MARCHF5: variants seen among roughly 807,000 people sequenced by gnomAD.
The protein encoded by MARCHF5 is membrane associated ring-CH-type finger 5, also known as E3 ubiquitin-protein ligase MARCHF5.
A neutral mutation model predicts 36.5 loss-of-function variants in MARCHF5; 5 were observed. The ratio of observed to expected loss-of-function variants is 0.14; its 90% CI spans 0.07 to 0.29. The LOEUF (loss-of-function observed/expected upper bound fraction) is 0.29, where lower values mean the gene tolerates loss of function less well. Ranked by LOEUF, MARCHF5 falls within the 10% of genes least tolerant of loss-of-function variation. The pLI, the probability that MARCHF5 is intolerant of heterozygous loss-of-function variation, is 1.00. For missense variants in MARCHF5, 179 were observed against 336.3 expected (o/e 0.53, Z 3.66); for synonymous variants, 103 against 109.9 (o/e 0.94, Z 0.39).
chr10:92,333,918 A>G (rs981445277), intron 2 of MARCHF5, among the ~76,000 whole-genome samples: 3 of 152,088 alleles, frequency 2.0e-5, no homozygotes, highest in African/African-American at 7.2e-5. Flanking sequence ...GGCCGGGTGC[A>G]GTGCCTCACG....
At chr10:92,299,340 G>A (rs886856225) in intron 1 of MARCHF5, among the ~76,000 whole-genome samples, 7 of 130,742 alleles carry the variant, frequency 5.4e-5, no homozygotes, top group East Asian at 2.6e-4. Context: ...AACTTTCAAC[G>A]GGGTAACGTG....
In MARCHF5 at chr10:92,352,173, AAGAC is replaced by A. The variant is rs564113546; in HGVS notation, c.*971_*974del. The A allele has an allele frequency of 3.1e-3, 476 of 152,770 alleles. 2 individuals carry two copies. Among genetic ancestry groups the A allele is most frequent in the Non-Finnish European group, 5.3e-3 (362 of 68,038 alleles). The allele number at this position is 152,770 out of a possible 1,614,324, so 9.5% of individuals were successfully genotyped here. On this transcript the variant is annotated 3_prime_UTR_variant, in exon 6 of 6. Coordinates refer to ENST00000358935, the MANE Select transcript of MARCHF5 (RefSeq NM_017824.5). ...AGTGCTGTAGGACATAGTGGTGAACAAGACAGACTTGGTCCAAGCTCTTACAGAG... is the reference window on the plus strand; with the variant it reads ...AGTGCTGTAGGACATAGTGGTGAACAAGACTTGGTCCAAGCTCTTACAGAG...
At chr10:92,330,103 A>G (rs1843418633) in intron 2 of MARCHF5, among the ~76,000 whole-genome samples, 1 of 152,168 alleles carries the variant, frequency 6.6e-6, no homozygotes, top group Non-Finnish European at 1.5e-5. Context: ...TTGGCCTCCA[A>G]AAGTGCTGGG....
chr10:92,325,019 GTTATC>G (rs1460803888), intron 2 of MARCHF5, among the ~76,000 whole-genome samples: 1 of 151,948 alleles, frequency 6.6e-6, no homozygotes, highest in Non-Finnish European at 1.5e-5. Context: ...CCATTTCCTT[GTTATC>G]TTTTACCTGT....
rs749226809 is a variant in MARCHF5 at position 92,291,435 on chromosome 10, C to T, written c.-60C>T. On this transcript the variant is annotated 5_prime_UTR_variant, in exon 1 of 6. Transcript: ENST00000358935. ...TCCGCCGCCTCTCAGTGCTATTGTC[C>T]CTGGGCCTGGCCTTGAGCGGGTCCA... 1.2e-5 allele frequency: 17 copies of T among 1,431,734 alleles called. No homozygotes were observed. In the African/African-American group the frequency reaches 2.4e-4, roughly 20 times the overall value. The allele number at this position is 1,431,734 out of a possible 1,614,324, so 88.7% of individuals were successfully genotyped here. A position where few individuals can be genotyped will look rare whatever the true frequency, so the allele number is the denominator to read the frequency against.
At position 92,351,318 on chromosome 10, in the gene MARCHF5, A is replaced by G. The variant is rs181375219; in HGVS notation, c.*111A>G. 4.6e-6 allele frequency: 3 copies of G among 647,330 alleles called. No individual in the cohort carries two copies. The highest frequency in any genetic ancestry group is 1.9e-5 in the African/African-American group (1 of 53,252). The allele number at this position is 647,330 out of a possible 1,614,324, so 40.1% of individuals were successfully genotyped here. On this transcript the variant is annotated 3_prime_UTR_variant, in exon 6 of 6. Coordinates refer to ENST00000358935, the MANE Select transcript of MARCHF5 (RefSeq NM_017824.5). ...ACTTGTGATAAGCTGCTGCTCCTAT[A>G]TTTTTTAAGAAATATAATAAAGCAC... is the stretch of plus-strand genomic sequence containing the variant.
chr10:92,315,704 A>G (rs570416718), intron 2 of MARCHF5, among the ~76,000 whole-genome samples: 6 of 152,284 alleles, frequency 3.9e-5, no homozygotes, highest in South Asian at 4.1e-4. Context: ...TGTATTTTTC[A>G]CTTTTACTCT....
chr10:92,332,524 T>TC (rs1843448493), intron 2 of MARCHF5, among the ~76,000 whole-genome samples: 1 of 146,640 alleles, frequency 6.8e-6, no homozygotes, highest in South Asian at 2.2e-4. Flanking sequence ...CCTTTTTTTT[T>TC]TTTTTTTTTT....
chr10:92,300,142 A>T (rs1554946062), intron 1 of MARCHF5, among the ~76,000 whole-genome samples: 1 of 149,482 alleles, frequency 6.7e-6, no homozygotes, highest in Non-Finnish European at 1.5e-5. Context: ...GCCTGGGTAT[A>T]ACAAAGCAAG....
intron 1 of MARCHF5, among the ~76,000 whole-genome samples, chr10:92,298,422 C>T (rs996100724): frequency 6.6e-6 from 1 of 152,182 alleles, no homozygotes; most frequent in African/African-American, 2.4e-5. Context: ...TCCTTTAGCA[C>T]CTAATTTCTA....
At chr10:92,308,183 C>T (rs906842772) in intron 1 of MARCHF5, among the ~76,000 whole-genome samples, 5 of 151,994 alleles carry the variant, frequency 3.3e-5, no homozygotes, top group Non-Finnish European at 7.4e-5. Context: ...CCTCATAATC[C>T]GCCCTCCTCA....
At chr10:92,300,423 A>G (rs1842998946) in intron 1 of MARCHF5, among the ~76,000 whole-genome samples, 1 of 151,116 alleles carries the variant, frequency 6.6e-6, no homozygotes, top group Non-Finnish European at 1.5e-5. Flanking sequence ...AGCCCAGGTT[A>G]TGGAGGTTGC....
rs199761409 is a variant in MARCHF5, at chr10:92,337,121, C to CAAA, written c.239-3540_239-3538dup. ...TGGGTGACAGAGTGAGACTCTGTCT[C>CAAA]AAAAAAAAAAAAAAGAGGAAAACTG... is the stretch of plus-strand genomic sequence containing the variant. On this transcript the variant is annotated intron_variant, in intron 2 of 5. Coordinates refer to ENST00000358935, the MANE Select transcript of MARCHF5 (RefSeq NM_017824.5). Among the ~76,000 whole-genome samples, 35 of 129,434 alleles carry CAAA rather than the reference C, an allele frequency of 2.7e-4. 1 individual carries two copies. Among genetic ancestry groups the CAAA allele is most frequent in the African/African-American group, 9.1e-4 (30 of 33,138 alleles). The allele number at this position is 129,434 out of a possible 152,430, so 84.9% of individuals were successfully genotyped here. A position where few individuals can be genotyped will look rare whatever the true frequency, so the allele number is the denominator to read the frequency against.
At chr10:92,340,533 C>T in intron 2 of MARCHF5, 140 bp from the exon 3 acceptor site, 1 of 719,348 alleles carries the variant, frequency 1.4e-6, no homozygotes, top group Non-Finnish European at 2.2e-6. Flanking sequence ...GATCATGCCA[C>T]TGCACTATAA....
intron 3 of MARCHF5, among the ~76,000 whole-genome samples, chr10:92,342,885 CA>C (rs1290294770): frequency 1.3e-5 from 2 of 152,184 alleles, no homozygotes; most frequent in African/African-American, 4.8e-5. Context: ...CCAGGAACTG[CA>C]TATGTATCTA....
At chr10:92,330,799 T>C (rs1219990446) in intron 2 of MARCHF5, among the ~76,000 whole-genome samples, 1 of 152,200 alleles carries the variant, frequency 6.6e-6, no homozygotes, top group South Asian at 2.1e-4. Flanking sequence ...AACTCTGATA[T>C]ACATAACACC....
At chr10:92,342,330 T>C (rs559943107) in intron 3 of MARCHF5, among the ~76,000 whole-genome samples, 30 of 151,672 alleles carry the variant, frequency 2.0e-4, no homozygotes, top group South Asian at 6.3e-4. Context: ...TTATTTTTTG[T>C]AGAGATGGGG....
chr10:92,341,190 G>C (rs1341370964), intron 3 of MARCHF5, among the ~76,000 whole-genome samples: 1 of 152,256 alleles, frequency 6.6e-6, no homozygotes, highest in South Asian at 2.1e-4. Context: ...ATCACCTGAG[G>C]TCAGGAGTTC....
chr10:92,311,405 T>G lies in MARCHF5; in HGVS notation c.238+68T>G, dbSNP rs938999207. Reference sequence around the variant, plus strand: ...TTATATATAACTTTATAAGTTCATTTTAAAATGAACCACCTCTTTTTTTTA... The same window carrying G: ...TTATATATAACTTTATAAGTTCATTGTAAAATGAACCACCTCTTTTTTTTA... On this transcript the variant is annotated intron_variant, in intron 2 of 5. Coordinates refer to ENST00000358935, the MANE Select transcript of MARCHF5 (RefSeq NM_017824.5). The G allele has an allele frequency of 2.7e-6, 3 of 1,127,764 alleles. No individual in the cohort carries two copies. In the Admixed American group the frequency reaches 8.5e-5, roughly 32 times the overall value. The allele number at this position is 1,127,764 out of a possible 1,614,324, so 69.9% of individuals were successfully genotyped here.
Sources: allele counts gnomAD v4.1 joint callset (sites outside exome capture counted in the v4.1 genomes callset), GRCh38; gene constraint gnomAD v4.1.1; transcripts MANE v1.5; gene names NCBI Gene and HGNC (gene_info 2026-07-23, HGNC 2026-07-21).